Variants in ST6GALNAC3 observed in about 807,000 individuals in gnomAD.
ST6GALNAC3 encodes the protein alpha-N-acetylgalactosaminide alpha-2,6-sialyltransferase 3.
A neutral mutation model predicts 32.7 loss-of-function variants in ST6GALNAC3; 25 were observed. That is an observed-to-expected ratio of 0.76 (90% confidence interval 0.56 to 1.07). ST6GALNAC3 has a LOEUF of 1.07. Among genes scored for constraint, ST6GALNAC3 ranks in the 50% least tolerant of loss-of-function variants. ST6GALNAC3 has a pLI of 0.00. For synonymous variants in ST6GALNAC3, 129 were observed against 133.1 expected (o/e 0.97, Z 0.21); for missense variants, 355 against 382.4 (o/e 0.93, Z 0.60).
intron 2 of ST6GALNAC3, among the ~76,000 whole-genome samples, chr1:76,388,247 C>T (rs552730980): frequency 5.9e-5 from 9 of 152,264 alleles, no homozygotes; most frequent in East Asian, 1.9e-4. Context: ...TATCCATGTA[C>T]AGTAGTTGGA....
chr1:76,251,665 C>T (rs1369419447), intron 1 of ST6GALNAC3, among the ~76,000 whole-genome samples: 1 of 152,108 alleles, frequency 6.6e-6, no homozygotes, highest in Non-Finnish European at 1.5e-5. Context: ...CGGCAACTTG[C>T]GTAGACTTCT....
At chr1:76,588,036 T>C (rs1340628591) in intron 3 of ST6GALNAC3, among the ~76,000 whole-genome samples, 2 of 152,132 alleles carry the variant, frequency 1.3e-5, no homozygotes, top group Non-Finnish European at 2.9e-5. Flanking sequence ...ACAGAGCACA[T>C]GTTTCTTCTT....
At chr1:76,222,626 C>T (rs776199416) in intron 1 of ST6GALNAC3, among the ~76,000 whole-genome samples, 14 of 152,082 alleles carry the variant, frequency 9.2e-5, no homozygotes, top group Non-Finnish European at 1.6e-4. Context: ...CTAACCTGCA[C>T]ATTGTGCACA....
At chr1:76,354,660 G>T (rs942297360) in intron 2 of ST6GALNAC3, among the ~76,000 whole-genome samples, 5 of 152,180 alleles carry the variant, frequency 3.3e-5, no homozygotes, top group African/African-American at 1.2e-4. Context: ...TGAAGTGTGT[G>T]CCTGTGTAGA....
At chr1:76,636,606 AT>A (rs1570502447), downstream of ST6GALNAC3, among the ~76,000 whole-genome samples, 1 of 152,094 alleles carries the variant, frequency 6.6e-6, no homozygotes, top group East Asian at 1.9e-4. Context: ...AGAGGACCTT[AT>A]ATGCATTCTC....
At chr1:76,135,763 A>G (rs1649906390) in intron 1 of ST6GALNAC3, among the ~76,000 whole-genome samples, 1 of 152,118 alleles carries the variant, frequency 6.6e-6, no homozygotes, top group Non-Finnish European at 1.5e-5. Context: ...TTCAGCACAC[A>G]GACATCAGGT....
chr1:76,603,177 C>T (rs1647312971), intron 3 of ST6GALNAC3, among the ~76,000 whole-genome samples: 1 of 152,096 alleles, frequency 6.6e-6, no homozygotes, highest in African/African-American at 2.4e-5. Flanking sequence ...TTTGGAATTA[C>T]CTTGTAGTTG....
At chr1:76,343,012 A>G (rs1648187256) in intron 2 of ST6GALNAC3, among the ~76,000 whole-genome samples, 1 of 151,836 alleles carries the variant, frequency 6.6e-6, no homozygotes. Context: ...ATTTTCTCTC[A>G]TTTTGTAGGT....
rs75235621 is a variant in ST6GALNAC3 at position 76,140,569 on chromosome 1, C to G, written c.18+65685C>G. Among the ~76,000 whole-genome samples the G allele has an allele frequency of 6.0e-3, 906 of 151,864 alleles. 22 individuals carry two copies. The East Asian group carries it at 0.073, about 12-fold the overall frequency. ...AAATTGCCTGTTTACTTCTGCCTCT[C>G]CCACAGAACAGTAAAAACCTCAAAG... On this transcript the variant is annotated intron_variant, in intron 1 of 4. Transcript: ENST00000328299.
rs142570133 is a variant in ST6GALNAC3 at position 76,440,229 on chromosome 1, T to C, written c.623+27812T>C. The stretch of plus-strand genomic sequence containing the variant: ...TCAGTGTTGCTAAAAATTTCTTTAA[T>C]GGAAAAGAGTGGAGAGATGTCCTGG... On this transcript the variant is annotated intron_variant, in intron 3 of 4. Transcript: ENST00000328299. Among the ~76,000 whole-genome samples the C allele has an allele frequency of 8.7e-3, 1,320 of 152,282 alleles. 19 individuals carry two copies. Among genetic ancestry groups the C allele is most frequent in the African/African-American group, 0.03 (1,260 of 41,554 alleles).
intron 1 of ST6GALNAC3, among the ~76,000 whole-genome samples, chr1:76,208,715 G>T (rs1285909775): frequency 8.4e-6 from 1 of 118,418 alleles, no homozygotes; most frequent in African/African-American, 2.6e-5. Flanking sequence ...GGTTTCTAAA[G>T]TAATTATTGC....
At chr1:76,240,273 T>G (rs1483322297) in intron 1 of ST6GALNAC3, among the ~76,000 whole-genome samples, 5 of 152,228 alleles carry the variant, frequency 3.3e-5, no homozygotes, top group Non-Finnish European at 7.3e-5. Flanking sequence ...GTAGAACTGC[T>G]TAAAAATGCC....
chr1:76,226,520 C>A (rs1349989835), intron 1 of ST6GALNAC3, among the ~76,000 whole-genome samples: 1 of 152,070 alleles, frequency 6.6e-6, no homozygotes, highest in African/African-American at 2.4e-5. Flanking sequence ...TCAAGAAATG[C>A]CTGAGAGTGG....
rs944904733 is a variant in ST6GALNAC3, at chr1:76,131,456, T to G, written c.18+56572T>G. Among the ~76,000 whole-genome samples, 8 of 152,316 alleles carry G rather than the reference T, an allele frequency of 5.3e-5. No individual in the cohort carries two copies. In the East Asian group the frequency reaches 1.5e-3, roughly 29 times the overall value. On this transcript the variant is annotated intron_variant, in intron 1 of 4. Coordinates refer to ENST00000328299, the MANE Select transcript of ST6GALNAC3 (RefSeq NM_152996.4). ...CATTCCACAGGATGCACATTGATCC[T>G]GGTCTTCTTGCCCCTGGGAAATTGA...
chr1:76,198,688 T>C (rs1405047419), intron 1 of ST6GALNAC3, among the ~76,000 whole-genome samples: 1 of 152,126 alleles, frequency 6.6e-6, no homozygotes, highest in Non-Finnish European at 1.5e-5. Flanking sequence ...TTTTCACTGA[T>C]GAAGGGAGCA....
chr1:76,126,524 T>TA lies in ST6GALNAC3; in HGVS notation c.18+51641dup, dbSNP rs547476151. Among the ~76,000 whole-genome samples the TA allele has an allele frequency of 7.9e-5, 12 of 152,126 alleles. No individual in the cohort carries two copies. In the East Asian group the frequency reaches 2.3e-3, roughly 29 times the overall value. ...AGACATAAGTGAATACATTTCATGA[T>TA]ACTGTACTTTTTTCTTTTCTTAATC... On this transcript the variant is annotated intron_variant, in intron 1 of 4. Coordinates refer to ENST00000328299, the MANE Select transcript of ST6GALNAC3 (RefSeq NM_152996.4).
intron 3 of ST6GALNAC3, among the ~76,000 whole-genome samples, chr1:76,445,309 A>C (rs1382678736): frequency 6.6e-6 from 1 of 152,174 alleles, no homozygotes; most frequent in African/African-American, 2.4e-5. Flanking sequence ...TACATGATAG[A>C]TATGCAAATC....
Position 76,169,617 on chromosome 1 carries a change from A to G in ST6GALNAC3, c.18+94733A>G, listed in dbSNP as rs541869670. On this transcript the variant is annotated intron_variant, in intron 1 of 4. Coordinates refer to ENST00000328299, the MANE Select transcript of ST6GALNAC3 (RefSeq NM_152996.4). ...AATATGTCATAGATTTGGTCTCTTT[A>G]CATAATCCCATATTTCTCAGACATT... Among the ~76,000 whole-genome samples, 4 of 152,242 alleles carry G rather than the reference A, an allele frequency of 2.6e-5. No homozygotes were observed. In the East Asian group the frequency reaches 5.8e-4, roughly 22 times the overall value.
At chr1:76,308,394 G>T (rs1034219526) in intron 1 of ST6GALNAC3, among the ~76,000 whole-genome samples, 1 of 151,978 alleles carries the variant, frequency 6.6e-6, no homozygotes, top group African/African-American at 2.4e-5. Context: ...TGTTTATATT[G>T]CATATATGCC....
Sources: allele counts gnomAD v4.1 joint callset (sites outside exome capture counted in the v4.1 genomes callset), GRCh38; gene constraint gnomAD v4.1.1; transcripts MANE v1.5; gene names NCBI Gene and HGNC (gene_info 2026-07-23, HGNC 2026-07-21).